Variants in SLC28A3 observed in about 807,000 individuals in gnomAD.
SLC28A3 encodes concentrative Na(+)-nucleoside cotransporter 3.
Under a neutral mutation model 84.2 loss-of-function variants are expected in SLC28A3, and 68 were observed. The ratio of observed to expected loss-of-function variants is 0.81; its 90% CI spans 0.66 to 0.99. The LOEUF is 0.99. Among genes scored for constraint, SLC28A3 ranks in the 50% least tolerant of loss-of-function variants. The pLI is 0.00. For synonymous variants in SLC28A3, 267 were observed against 303.6 expected, an observed-to-expected ratio of 0.88 and a Z score of 1.25; for missense variants, 712 against 841.5, an observed-to-expected ratio of 0.85 and a Z score of 1.90.
the SLC28A3 span, among the ~76,000 whole-genome samples, chr9:84,361,237 C>A: frequency 1.3e-5 from 2 of 151,806 alleles, no homozygotes; most frequent in African/African-American, 4.8e-5. Context: ...CCCAGTTACT[C>A]GGGAGGCTGA....
At chr9:84,320,038 C>CTTTT (rs1826311069) in intron 1 of SLC28A3, among the ~76,000 whole-genome samples, 1 of 85,638 alleles carries the variant, frequency 1.2e-5, no homozygotes, top group East Asian at 2.5e-4. Flanking sequence ...CTGGCTTGCA[C>CTTTT]TGTTTTTTTT....
the SLC28A3 span, among the ~76,000 whole-genome samples, chr9:84,365,285 C>G: frequency 1.3e-5 from 2 of 151,690 alleles, no homozygotes; most frequent in Non-Finnish European, 2.9e-5. Flanking sequence ...TGTTGAGCAC[C>G]TTTTCATATG....
the SLC28A3 span, among the ~76,000 whole-genome samples, chr9:84,358,946 G>A: frequency 6.6e-6 from 1 of 152,186 alleles, no homozygotes; most frequent in African/African-American, 2.4e-5. Flanking sequence ...GGGACCACAA[G>A]CGAGCACCAC....
the SLC28A3 span, among the ~76,000 whole-genome samples, chr9:84,357,806 A>C: frequency 6.6e-6 from 1 of 152,178 alleles, no homozygotes; most frequent in Non-Finnish European, 1.5e-5. Context: ...TATGGCCGTG[A>C]GATAACCCAA....
At chr9:84,357,253 A>G in the SLC28A3 span, among the ~76,000 whole-genome samples, 2 of 152,206 alleles carry the variant, frequency 1.3e-5, no homozygotes, top group African/African-American at 4.8e-5. Context: ...GCTTGATTTC[A>G]CAATCTTCAT....
At chr9:84,338,458 T>A (rs1296480215) in intron 1 of SLC28A3, among the ~76,000 whole-genome samples, 1 of 152,332 alleles carries the variant, frequency 6.6e-6, no homozygotes, top group East Asian at 1.9e-4. Context: ...GATTTTGAAA[T>A]GTAGAAATTC....
rs531881243 is a variant in SLC28A3 at position 84,289,406 on chromosome 9, T to C, written c.1149+748A>G. On this transcript the variant is annotated intron_variant, in intron 11 of 17. Coordinates refer to ENST00000376238, the MANE Select transcript of SLC28A3 (RefSeq NM_001199633.2). The stretch of plus-strand genomic sequence containing the variant: ...GTCTATGTGTGGCTTGTAAGCTCTA[T>C]GGGTCGGGGTGCACGCACCAGTTAT... Among the ~76,000 whole-genome samples, 14 of 152,356 alleles carry C rather than the reference T, an allele frequency of 9.2e-5. No homozygotes were observed. In the South Asian group the frequency reaches 1.4e-3, roughly 16 times the overall value.
chr9:84,314,394 G>A (rs188158612), intron 1 of SLC28A3, among the ~76,000 whole-genome samples: 28 of 152,088 alleles, frequency 1.8e-4, no homozygotes, highest in East Asian at 1.4e-3. Flanking sequence ...TCAACTTGCC[G>A]TTTTCTAGAG....
At chr9:84,306,458 C>G (rs757775824) in intron 3 of SLC28A3, among the ~76,000 whole-genome samples, 1 of 152,212 alleles carries the variant, frequency 6.6e-6, no homozygotes, top group Admixed American at 6.5e-5. Flanking sequence ...CAGACAGATA[C>G]ATGCCTCTGA....
chr9:84,334,036 GGCTCAC>G (rs764350213), intron 1 of SLC28A3, among the ~76,000 whole-genome samples: 10 of 152,366 alleles, frequency 6.6e-5, no homozygotes, highest in Middle Eastern at 3.4e-3. Context: ...CAGGCATGGT[GGCTCAC>G]GCCTGTAATC....
At chr9:84,332,800 C>T (rs370939983) in intron 1 of SLC28A3, among the ~76,000 whole-genome samples, 28 of 152,272 alleles carry the variant, frequency 1.8e-4, no homozygotes, top group African/African-American at 6.3e-4. Flanking sequence ...AGAGAAGCAA[C>T]GTTTCCTAAA....
At chr9:84,346,638 T>TC in the SLC28A3 span, among the ~76,000 whole-genome samples, 1 of 152,212 alleles carries the variant, frequency 6.6e-6, no homozygotes, top group Non-Finnish European at 1.5e-5. Context: ...ATTGTTCAGA[T>TC]CATCCAAGAG....
At chr9:84,307,248 T>C (rs1054243565) in intron 3 of SLC28A3, among the ~76,000 whole-genome samples, 4 of 150,694 alleles carry the variant, frequency 2.7e-5, no homozygotes, top group African/African-American at 9.8e-5. Flanking sequence ...CTGGCCAACA[T>C]GGTGAAACCC....
chr9:84,342,821 A>G (rs1359177850), upstream of SLC28A3, among the ~76,000 whole-genome samples: 1 of 152,186 alleles, frequency 6.6e-6, no homozygotes, highest in Non-Finnish European at 1.5e-5. Flanking sequence ...TTTGTATCAC[A>G]CATTCTAGGA....
chr9:84,305,796 T>A (rs4242626), intron 3 of SLC28A3, among the ~76,000 whole-genome samples: 2 of 152,014 alleles, frequency 1.3e-5, no homozygotes, highest in African/African-American at 4.8e-5. Context: ...AAGTTGGTGG[T>A]GCTCTGTCCC....
chr9:84,347,377 G>A, the SLC28A3 span, among the ~76,000 whole-genome samples: 1 of 152,102 alleles, frequency 6.6e-6, no homozygotes, highest in Admixed American at 6.6e-5. Context: ...AGCTCAGGGA[G>A]ATAAAGTGGC....
chr9:84,341,016 A>G (rs1827145776), upstream of SLC28A3, among the ~76,000 whole-genome samples: 1 of 151,192 alleles, frequency 6.6e-6, no homozygotes. Flanking sequence ...CAAAAAAAAA[A>G]AGGCTGGAGT....
At chr9:84,335,326 G>A (rs1470417116) in intron 1 of SLC28A3, among the ~76,000 whole-genome samples, 1 of 152,098 alleles carries the variant, frequency 6.6e-6, no homozygotes, top group Non-Finnish European at 1.5e-5. Flanking sequence ...AGGAAGAGAT[G>A]GGAGGATCAC....
chr9:84,334,995 C>T (rs1826919041), intron 1 of SLC28A3, among the ~76,000 whole-genome samples: 1 of 106,320 alleles, frequency 9.4e-6, no homozygotes, highest in Admixed American at 1.1e-4. Flanking sequence ...TCTCTGACAT[C>T]TCTAACTTCC....
Sources: allele counts gnomAD v4.1 joint callset (sites outside exome capture counted in the v4.1 genomes callset), GRCh38; gene constraint gnomAD v4.1.1; transcripts MANE v1.5; gene names NCBI Gene and HGNC (gene_info 2026-07-23, HGNC 2026-07-21).